CUX1: variants seen among roughly 807,000 people sequenced by gnomAD.
The protein encoded by CUX1 is cut like homeobox 1, also known as protein CASP.
In CUX1, 31 loss-of-function variants were observed where a neutral mutation model predicts 158.8. That is an observed-to-expected ratio of 0.20 (90% CI 0.15 to 0.26). The LOEUF (loss-of-function observed/expected upper bound fraction) is 0.26. Among genes scored for constraint, CUX1 ranks in the 10% least tolerant of loss-of-function variants. The pLI is 1.00. For synonymous variants in CUX1, 879 were observed against 862.1 expected, an observed-to-expected ratio of 1.02 and a Z score of -0.34; for missense variants, 1,589 against 2,014.6, an observed-to-expected ratio of 0.79 and a Z score of 4.04.
rs1804239982 is a variant in CUX1, at chr7:101,916,618, G to T, written c.141+393G>T. ...GTGGGGTGGAAGGTCCGCGGGGCCT[G>T]CTTCCCTGTTGCTGGTGCAGGCGGA... On this transcript the variant is annotated intron_variant, in intron 2 of 23. Coordinates refer to ENST00000292535, the MANE Select transcript of CUX1 (RefSeq NM_181552.4). The surrounding 1 kb of genome is among the most constrained non-coding windows in gnomAD (Gnocchi z 4.4). 1 of 206,754 alleles carries T rather than the reference G, an allele frequency of 4.8e-6. No homozygotes were observed. 12.8% of individuals were successfully genotyped at this position (206,754 alleles called of 1,614,324 possible).
chr7:101,854,659 C>T (rs1257389240), intron 1 of CUX1, among the ~76,000 whole-genome samples: 1 of 152,216 alleles, frequency 6.6e-6, no homozygotes, highest in East Asian at 1.9e-4. Context: ...TTCTGTGGCA[C>T]CCCATTCTCA....
Position 102,249,169 on chromosome 7 carries a change from C to T in CUX1, c.*127C>T, listed in dbSNP as rs1801199377. Reference sequence around the variant, plus strand: ...CGGCCTGCACCGACCCCGGGCCGGACCTGAGCCCGCAGCCCAGACCCCCTC... The same window carrying T: ...CGGCCTGCACCGACCCCGGGCCGGATCTGAGCCCGCAGCCCAGACCCCCTC... On this transcript the variant is annotated 3_prime_UTR_variant, in exon 24 of 24. Coordinates refer to ENST00000292535, the MANE Select transcript of CUX1 (RefSeq NM_181552.4). 6.1e-6 allele frequency: 7 copies of T among 1,141,626 alleles called. No homozygotes were observed. Among genetic ancestry groups the T allele is most frequent in the Non-Finnish European group, 7.5e-6 (7 of 928,520 alleles). The allele number at this position is 1,141,626 out of a possible 1,614,324, so 70.7% of individuals were successfully genotyped here.
intron 14 of CUX1, among the ~76,000 whole-genome samples, chr7:102,268,650 G>A (rs1441421129): frequency 6.6e-6 from 1 of 152,150 alleles, no homozygotes; most frequent in Admixed American, 6.6e-5. Context: ...ATCAAGAAAA[G>A]GGGTTTCTTT....
intron 2 of CUX1, among the ~76,000 whole-genome samples, chr7:101,918,550 A>G (rs1804511499): frequency 6.6e-6 from 1 of 152,206 alleles, no homozygotes; most frequent in Admixed American, 6.5e-5. Flanking sequence ...GGTGGTGCCC[A>G]CTTCCTCATC....
chr7:102,109,655 A>G (rs908774887), intron 6 of CUX1, among the ~76,000 whole-genome samples: 1 of 152,052 alleles, frequency 6.6e-6, no homozygotes, highest in Non-Finnish European at 1.5e-5. Flanking sequence ...TTGGTGGTGC[A>G]CACCTGTAAT....
At position 101,861,548 on chromosome 7, in the gene CUX1, C is replaced by A. The variant is rs530533043; in HGVS notation, c.30+43879C>A. Among the ~76,000 whole-genome samples the A allele has an allele frequency of 2.6e-5, 4 of 151,906 alleles. No homozygotes were observed. In the South Asian group the frequency reaches 6.3e-4, roughly 24 times the overall value. ...TTGGTGCTGGTTGGCCCCCTGGGTGCCCCTGTCTACTGAGGGTGGGACAGG... is the reference window on the plus strand; with the variant it reads ...TTGGTGCTGGTTGGCCCCCTGGGTGACCCTGTCTACTGAGGGTGGGACAGG... On this transcript the variant is annotated intron_variant, in intron 1 of 23. Coordinates refer to ENST00000292535, the MANE Select transcript of CUX1 (RefSeq NM_181552.4).
chr7:102,274,189 A>C (rs1245515045), intron 15 of CUX1: 4 of 1,539,526 alleles, frequency 2.6e-6, no homozygotes, highest in Non-Finnish European at 3.6e-6. Flanking sequence ...CTGAAAGGGA[A>C]TATTCCGTGC....
chr7:101,943,274 T>G (rs557410945), intron 2 of CUX1, among the ~76,000 whole-genome samples: 1 of 151,730 alleles, frequency 6.6e-6, no homozygotes, highest in East Asian at 2.0e-4. Flanking sequence ...GCCTGGCTAA[T>G]TTTTGTATTT....
chr7:102,042,755 A>G (rs1016764620), intron 3 of CUX1, among the ~76,000 whole-genome samples: 1 of 151,990 alleles, frequency 6.6e-6, no homozygotes, highest in African/African-American at 2.4e-5. Context: ...TAACAAAGAA[A>G]AGTTGTATAT....
intron 1 of CUX1, among the ~76,000 whole-genome samples, chr7:101,886,631 TC>T (rs1392392125): frequency 1.3e-5 from 2 of 151,978 alleles, no homozygotes; most frequent in Non-Finnish European, 2.9e-5. Flanking sequence ...AGGCTTAGGG[TC>T]CCCTGCGAGG....
intron 8 of CUX1, among the ~76,000 whole-genome samples, chr7:102,151,086 TCA>T (rs1835600366): frequency 6.6e-6 from 1 of 152,224 alleles, no homozygotes; most frequent in Non-Finnish European, 1.5e-5. Flanking sequence ...CTGTTGACAC[TCA>T]CACCATGAAA....
Position 102,197,124 on chromosome 7 carries a change from A to G in CUX1, c.1713A>G (p.Gln571=), listed in dbSNP as rs1794881879. ...AGCTGATTAAGCACAATATCGGACAACGTATTTTCGGACATTATGTGTTGG... is the reference window on the plus strand; with the variant it reads ...AGCTGATTAAGCACAATATCGGACAGCGTATTTTCGGACATTATGTGTTGG... ...KEQLIKHNIG[Q]RIFGHYVLGL... The change falls in exon 15 of 24, where the codon CAA becomes CAG. Residue 571 remains glutamine, a synonymous_variant. Coordinates refer to ENST00000292535, the MANE Select transcript of CUX1 (RefSeq NM_181552.4). 1 of 1,614,220 alleles carries G rather than the reference A, an allele frequency of 6.2e-7. No homozygotes were observed. Among genetic ancestry groups the G allele is most frequent in the African/African-American group, 1.3e-5 (1 of 75,054 alleles).
At chr7:102,079,576 G>A (rs973830107) in intron 4 of CUX1, among the ~76,000 whole-genome samples, 12 of 152,090 alleles carry the variant, frequency 7.9e-5, no homozygotes, top group Non-Finnish European at 1.5e-4. Context: ...GATTCTGTAC[G>A]GTGACTCCAG....
chr7:102,110,605 G>A (rs1554489806), intron 6 of CUX1, among the ~76,000 whole-genome samples: 1 of 152,088 alleles, frequency 6.6e-6, no homozygotes, highest in Non-Finnish European at 1.5e-5. Flanking sequence ...TTCATATTAT[G>A]CTATAGCTTA....
intron 2 of CUX1, among the ~76,000 whole-genome samples, chr7:101,957,865 A>C (rs917250258): frequency 3.9e-5 from 6 of 152,356 alleles, no homozygotes; most frequent in South Asian, 2.1e-4. Context: ...AGACATCTTT[A>C]AACGGAAACA....
intron 4 of CUX1, among the ~76,000 whole-genome samples, chr7:102,080,107 TGCC>T (rs782006457): frequency 6.6e-6 from 1 of 152,332 alleles, no homozygotes; most frequent in East Asian, 1.9e-4. Context: ...TTAGGCCTGT[TGCC>T]GCCAGGTTTT....
intron 2 of CUX1, 61 bp from the exon 3 acceptor site, chr7:102,028,037 A>G (rs1004452607): frequency 7.9e-5 from 126 of 1,586,898 alleles, no homozygotes; most frequent in Non-Finnish European, 1.0e-4. Context: ...GGCCTTAACC[A>G]ATGTTTCCCT....
At chr7:102,029,166 T>C (rs1301330742) in intron 3 of CUX1, among the ~76,000 whole-genome samples, 2 of 152,074 alleles carry the variant, frequency 1.3e-5, no homozygotes, top group African/African-American at 2.4e-5. Context: ...CTAATTTCTC[T>C]ATTTTTAGTA....
intron 6 of CUX1, among the ~76,000 whole-genome samples, chr7:102,109,732 G>A (rs1044437271): frequency 4.0e-5 from 6 of 151,166 alleles, no homozygotes; most frequent in Non-Finnish European, 5.9e-5. Flanking sequence ...GCAGTCAGCC[G>A]AGATCATGCC....
Sources: allele counts gnomAD v4.1 joint callset (sites outside exome capture counted in the v4.1 genomes callset), GRCh38; gene constraint gnomAD v4.1.1; non-coding constraint Gnocchi (gnomAD v3.1); transcripts MANE v1.5; gene names NCBI Gene and HGNC (gene_info 2026-07-23, HGNC 2026-07-21).